Variants in BACH2 observed in about 807,000 individuals in gnomAD.
The protein encoded by BACH2 is transcription regulator protein BACH2.
Under a neutral mutation model 61.8 loss-of-function variants are expected in BACH2, and 5 were observed. That is an observed-to-expected ratio of 0.08 (90% CI 0.04 to 0.17). The LOEUF (loss-of-function observed/expected upper bound fraction) is 0.17. Among genes scored for constraint, BACH2 ranks in the 10% least tolerant of loss-of-function variants. The pLI is 1.00. For synonymous variants in BACH2, 446 were observed against 440.1 expected (o/e 1.01, Z -0.17); for missense variants, 824 against 1,091.1 (o/e 0.76, Z 3.45).
chr6:90,290,523 T>G (rs776649007), intron 1 of BACH2, among the ~76,000 whole-genome samples: 1 of 152,244 alleles, frequency 6.6e-6, no homozygotes, highest in Non-Finnish European at 1.5e-5. Flanking sequence ...TTGGCCCATT[T>G]TGCACTATCC....
chr6:90,110,776 T>C (rs1001279948), intron 4 of BACH2, among the ~76,000 whole-genome samples: 4 of 152,168 alleles, frequency 2.6e-5, no homozygotes, highest in Admixed American at 1.3e-4. Flanking sequence ...TGGCATTCCA[T>C]GAAAAAAGCA....
intron 6 of BACH2, among the ~76,000 whole-genome samples, chr6:89,988,257 A>G (rs1194857034): frequency 6.6e-6 from 1 of 152,242 alleles, no homozygotes; most frequent in Non-Finnish European, 1.5e-5. Flanking sequence ...TCTGAATTTC[A>G]TCACATTTAT....
chr6:90,296,235 G>A (rs1348128041), intron 1 of BACH2, among the ~76,000 whole-genome samples: 1 of 151,980 alleles, frequency 6.6e-6, no homozygotes, highest in Non-Finnish European at 1.5e-5. Flanking sequence ...AAACAGCCGG[G>A]AGGGAGAGCA....
At chr6:89,964,824 C>T (rs1774959360) in intron 6 of BACH2, among the ~76,000 whole-genome samples, 1 of 152,178 alleles carries the variant, frequency 6.6e-6, no homozygotes, top group Non-Finnish European at 1.5e-5. Flanking sequence ...CTTCTAATCT[C>T]CTAGTGCTCT....
chr6:90,037,266 G>A (rs1779306298), intron 5 of BACH2, among the ~76,000 whole-genome samples: 2 of 152,188 alleles, frequency 1.3e-5, no homozygotes, highest in Non-Finnish European at 2.9e-5. Context: ...CTTGGATTAA[G>A]TGTGAAAAAT....
chr6:90,102,791 A>AAATAATAAT lies in BACH2; in HGVS notation c.-161-13691_-161-13683dup, dbSNP rs372366852. ...GGCAACAAGAGCGAAACTCCATTTC[A>AAATAATAAT]AATAATAATAATAATAATAATAATA... On this transcript the variant is annotated intron_variant, in intron 4 of 8. Coordinates refer to ENST00000257749, the MANE Select transcript of BACH2 (RefSeq NM_021813.4). Among the ~76,000 whole-genome samples, 472 of 113,664 alleles carry AAATAATAAT rather than the reference A, an allele frequency of 4.2e-3. 4 individuals are homozygous for AAATAATAAT. Among genetic ancestry groups the AAATAATAAT allele is most frequent in the Middle Eastern group, 9.2e-3 (2 of 218 alleles). 74.6% of individuals were successfully genotyped at this position (113,664 alleles called of 152,430 possible).
intron 1 of BACH2, among the ~76,000 whole-genome samples, chr6:90,294,417 T>A (rs1269499609): frequency 6.6e-6 from 1 of 152,106 alleles, no homozygotes; most frequent in East Asian, 1.9e-4. Context: ...AAAAAAAACG[T>A]TGGAAATGGG....
At chr6:90,128,254 G>A (rs1429872629) in intron 4 of BACH2, among the ~76,000 whole-genome samples, 2 of 152,074 alleles carry the variant, frequency 1.3e-5, no homozygotes, top group Non-Finnish European at 2.9e-5. Context: ...AGGCTTTGGG[G>A]ATTTTTTTTC....
intron 6 of BACH2, among the ~76,000 whole-genome samples, chr6:89,981,430 C>T (rs1425836723): frequency 2.0e-5 from 3 of 152,100 alleles, no homozygotes; most frequent in East Asian, 1.9e-4. Flanking sequence ...AGTGAGCCAC[C>T]GCGCCTGGCC....
chr6:90,225,928 T>G (rs997639327), intron 3 of BACH2, among the ~76,000 whole-genome samples: 1 of 152,032 alleles, frequency 6.6e-6, no homozygotes, highest in Admixed American at 6.5e-5. Flanking sequence ...AAGCAGTGGT[T>G]CTCCAAGCGG....
chr6:90,141,478 GC>G (rs1024752474), intron 4 of BACH2, among the ~76,000 whole-genome samples: 26 of 146,986 alleles, frequency 1.8e-4, no homozygotes, highest in African/African-American at 6.1e-4. Context: ...ACCATACCCC[GC>G]CCCGATCCCG....
chr6:90,140,010 C>T (rs138350169), intron 4 of BACH2, among the ~76,000 whole-genome samples: 74 of 152,264 alleles, frequency 4.9e-4, no homozygotes, highest in African/African-American at 1.6e-3. Flanking sequence ...TTCATCAGGA[C>T]CCAAGCTCCT....
chr6:90,232,686 T>C (rs1015538542), intron 3 of BACH2, among the ~76,000 whole-genome samples: 6 of 152,236 alleles, frequency 3.9e-5, no homozygotes, highest in Non-Finnish European at 8.8e-5. Flanking sequence ...CCAATACCTG[T>C]GTAGAGCTGC....
intron 5 of BACH2, among the ~76,000 whole-genome samples, chr6:90,027,820 A>G (rs1400087417): frequency 6.6e-6 from 1 of 152,220 alleles, no homozygotes; most frequent in Non-Finnish European, 1.5e-5. Context: ...AGTATTTAGG[A>G]TGGTCCTTGT....
chr6:90,120,021 G>A (rs1562457057), intron 4 of BACH2, among the ~76,000 whole-genome samples: 1 of 152,212 alleles, frequency 6.6e-6, no homozygotes, highest in Non-Finnish European at 1.5e-5. Context: ...CAGAAGACCT[G>A]GCTCTCACCC....
chr6:90,134,839 G>A (rs753773091), intron 4 of BACH2, among the ~76,000 whole-genome samples: 7 of 152,220 alleles, frequency 4.6e-5, no homozygotes, highest in Non-Finnish European at 7.3e-5. Context: ...GTCTGACAGG[G>A]CTGGGGCAAT....
chr6:90,195,002 T>C (rs564044485), intron 4 of BACH2, among the ~76,000 whole-genome samples: 65 of 152,314 alleles, frequency 4.3e-4, no homozygotes, highest in Non-Finnish European at 8.5e-4. Context: ...GTAATTCTAA[T>C]ATAAACTACA....
At chr6:90,002,953 A>G (rs998468118) in intron 6 of BACH2, among the ~76,000 whole-genome samples, 39 of 152,262 alleles carry the variant, frequency 2.6e-4, no homozygotes, top group African/African-American at 9.4e-4. Flanking sequence ...CCAACATATA[A>G]GAAATTCCCA....
chr6:90,104,777 G>C (rs207258), intron 4 of BACH2, among the ~76,000 whole-genome samples: 25,274 of 152,160 alleles, frequency 0.17, 2,962 homozygotes, highest in African/African-American at 0.32. Context: ...ATGTGGGCTG[G>C]GGTGTCCATG....
Sources: gnomAD v4.1 joint callset for allele counts (sites outside exome capture counted in the v4.1 genomes callset) on GRCh38, gnomAD v4.1.1 for gene constraint, MANE v1.5 for transcripts, NCBI Gene and HGNC (gene_info 2026-07-23, HGNC 2026-07-21) for gene names.